FAM163B: variants seen among roughly 807,000 people sequenced by gnomAD.
The protein encoded by FAM163B is family with sequence similarity 163 member B.
FAM163B carries 4 observed loss-of-function variants against 7.6 expected under a neutral mutation model. The ratio of observed to expected loss-of-function variants is 0.52; its 90% CI spans 0.26 to 1.20. FAM163B has a LOEUF of 1.20. Among genes scored for constraint, FAM163B ranks in the 50% most tolerant of loss-of-function variants. The pLI is 0.14. For missense variants in FAM163B, 250 were observed against 243.0 expected (o/e 1.03, Z -0.19); for synonymous variants, 120 against 111.6 (o/e 1.07, Z -0.47).
At chr9:133,602,163 C>T (rs886333908) in intron 1 of FAM163B, among the ~76,000 whole-genome samples, 1 of 151,912 alleles carries the variant, frequency 6.6e-6, no homozygotes, top group Non-Finnish European at 1.5e-5. Flanking sequence ...GCCCAAGACC[C>T]GCCATATAAC....
At chr9:133,598,410 GA>G (rs1008031710) in intron 1 of FAM163B, among the ~76,000 whole-genome samples, 110 of 138,982 alleles carry the variant, frequency 7.9e-4, no homozygotes, top group African/African-American at 1.9e-3. Flanking sequence ...AAGTGCATTT[GA>G]AAAAAAAAAA....
chr9:133,586,950 G>A (rs1306878719), intron 1 of FAM163B, among the ~76,000 whole-genome samples: 1 of 152,212 alleles, frequency 6.6e-6, no homozygotes, highest in Non-Finnish European at 1.5e-5. Context: ...TGAGGTAAGA[G>A]TGGTTCGGCC....
chr9:133,597,707 A>T (rs944493322), intron 1 of FAM163B, among the ~76,000 whole-genome samples: 1 of 152,192 alleles, frequency 6.6e-6, no homozygotes. Context: ...GCTTAAAACC[A>T]GCAACGAAGG....
At position 133,606,543 on chromosome 9, in the gene FAM163B, C is replaced by T. The variant is rs1831791939; in HGVS notation, c.-24+2534G>A. 6.6e-6 allele frequency among the ~76,000 whole-genome samples: 1 copy of T among 152,204 alleles called. No homozygotes were observed. Among genetic ancestry groups the T allele is most frequent in the Non-Finnish European group, 1.5e-5 (1 of 68,040 alleles). ...GCCAGGCTCACGGTTGCCCCGGTGTCCCATGTGCCAGCAGGGAAGGCAGGA... is the reference window on the plus strand; with the variant it reads ...GCCAGGCTCACGGTTGCCCCGGTGTTCCATGTGCCAGCAGGGAAGGCAGGA... On this transcript the variant is annotated intron_variant, in intron 1 of 2. Transcript: ENST00000673969. The surrounding 1 kb of genome is among the most constrained non-coding windows in gnomAD (Gnocchi z 4.0).
intron 1 of FAM163B, among the ~76,000 whole-genome samples, chr9:133,590,681 C>T (rs773782646): frequency 1.3e-5 from 2 of 152,172 alleles, no homozygotes; most frequent in African/African-American, 2.4e-5. Context: ...AGTGGGGACA[C>T]GCCTGGAGTC....
intron 1 of FAM163B, among the ~76,000 whole-genome samples, chr9:133,604,975 G>A (rs1831772390): frequency 6.6e-6 from 1 of 152,258 alleles, no homozygotes; most frequent in Non-Finnish European, 1.5e-5. Context: ...CTCCTCGTGA[G>A]GAACGGAGAT....
intron 1 of FAM163B, among the ~76,000 whole-genome samples, chr9:133,607,291 G>A (rs1831802103): frequency 6.6e-6 from 1 of 152,214 alleles, no homozygotes; most frequent in Admixed American, 6.5e-5. Flanking sequence ...CAGAACTCGA[G>A]TCCCGACTTC....
Position 133,578,847 on chromosome 9 carries a change from C to A in FAM163B, c.*175G>T. The A allele has an allele frequency of 8.0e-7, 1 of 1,257,718 alleles. No homozygotes were observed. Among genetic ancestry groups the A allele is most frequent in the Non-Finnish European group, 1.1e-6 (1 of 943,276 alleles). The allele number at this position is 1,257,718 out of a possible 1,614,324, so 77.9% of individuals were successfully genotyped here. On this transcript the variant is annotated 3_prime_UTR_variant, in exon 3 of 3. Transcript: ENST00000673969. ...CCAGGACACATTTGTGTTCAATGAGCCTTATCCCTGCCACGAGCCTGGGGG... is the reference window on the plus strand; with the variant it reads ...CCAGGACACATTTGTGTTCAATGAGACTTATCCCTGCCACGAGCCTGGGGG...
chr9:133,579,811 A>G (rs981926393), intron 2 of FAM163B, among the ~76,000 whole-genome samples: 9 of 152,162 alleles, frequency 5.9e-5, no homozygotes, highest in Non-Finnish European at 1.0e-4. Flanking sequence ...TCAGGGAGAC[A>G]TGGAGACTCT....
intron 1 of FAM163B, among the ~76,000 whole-genome samples, chr9:133,587,898 G>T (rs1364299861): frequency 6.6e-6 from 1 of 151,826 alleles, no homozygotes; most frequent in African/African-American, 2.4e-5. Context: ...GATCTCCCTG[G>T]GAGCCCCTGG....
intron 1 of FAM163B, among the ~76,000 whole-genome samples, chr9:133,598,513 G>A (rs768769522): frequency 6.6e-6 from 1 of 152,028 alleles, no homozygotes; most frequent in Non-Finnish European, 1.5e-5. Context: ...GCGTGTGCTG[G>A]GGTGAGGAGG....
At chr9:133,588,796 G>A (rs1484344734) in intron 1 of FAM163B, among the ~76,000 whole-genome samples, 2 of 148,650 alleles carry the variant, frequency 1.3e-5, no homozygotes, top group East Asian at 2.0e-4. Context: ...CACATCTGCT[G>A]CAGAGTGAGA....
chr9:133,607,533 C>G (rs1831804963), intron 1 of FAM163B, among the ~76,000 whole-genome samples: 1 of 152,206 alleles, frequency 6.6e-6, no homozygotes, highest in South Asian at 2.1e-4. Flanking sequence ...GGAGCTCCCA[C>G]TCCCTCCCCA....
Position 133,578,729 on chromosome 9 carries a change from C to A in FAM163B, c.*293G>T. 1.1e-5 allele frequency: 5 copies of A among 436,356 alleles called. No homozygotes were observed. Among genetic ancestry groups the A allele is most frequent in the East Asian group, 7.2e-5 (2 of 27,748 alleles). The allele number at this position is 436,356 out of a possible 1,614,324, so 27.0% of individuals were successfully genotyped here. A position where few individuals can be genotyped will look rare whatever the true frequency, so the allele number is the denominator to read the frequency against. ...TCTGAGACAGAATCATCAGGAGTAA[C>A]GGTGGCCTCTGTGCCTGAGAGCCCT... On this transcript the variant is annotated 3_prime_UTR_variant, in exon 3 of 3. Coordinates refer to ENST00000673969, the MANE Select transcript of FAM163B (RefSeq NM_001080515.3).
chr9:133,605,422 C>A (rs1310331033), intron 1 of FAM163B, among the ~76,000 whole-genome samples: 1 of 152,194 alleles, frequency 6.6e-6, no homozygotes, highest in South Asian at 2.1e-4. Flanking sequence ...GCCCTGGGAG[C>A]CTGGTTTGTT....
At chr9:133,588,350 G>A (rs1462683187) in intron 1 of FAM163B, among the ~76,000 whole-genome samples, 2 of 152,098 alleles carry the variant, frequency 1.3e-5, no homozygotes, top group Non-Finnish European at 2.9e-5. Flanking sequence ...AGGCTACCAC[G>A]CTACTTAAGG....
intron 1 of FAM163B, among the ~76,000 whole-genome samples, chr9:133,590,129 C>T (rs1588327572): frequency 1.1e-4 from 6 of 56,962 alleles, no homozygotes; most frequent in Non-Finnish European, 2.2e-4. Flanking sequence ...TTCCCCTCCC[C>T]TTCCCCTCCC....
rs1831720673 is a variant in FAM163B at position 133,600,899 on chromosome 9, A to G, written c.-24+8178T>C. The stretch of plus-strand genomic sequence containing the variant: ...CAATTCATCCAAGGCCATTAACTCA[A>G]CTCTCCCTTGGTAGGGGGTAGGGGG... On this transcript the variant is annotated intron_variant, in intron 1 of 2. Transcript: ENST00000673969. This position sits in a 1 kb window ranked among gnomAD's most constrained non-coding sequence, Gnocchi z 4.9. 6.6e-6 allele frequency among the ~76,000 whole-genome samples: 1 copy of G among 151,468 alleles called. No individual in the cohort carries two copies. The highest frequency in any genetic ancestry group is 2.4e-5 in the African/African-American group (1 of 41,182).
intron 1 of FAM163B, among the ~76,000 whole-genome samples, chr9:133,603,600 A>G (rs1564198363): frequency 6.6e-6 from 1 of 152,228 alleles, no homozygotes; most frequent in Non-Finnish European, 1.5e-5. Context: ...CTCATTAGCC[A>G]AAGTTGACAG....
Sources: allele counts gnomAD v4.1 joint callset (sites outside exome capture counted in the v4.1 genomes callset), GRCh38; gene constraint gnomAD v4.1.1; non-coding constraint Gnocchi (gnomAD v3.1); transcripts MANE v1.5; gene names NCBI Gene and HGNC (gene_info 2026-07-23, HGNC 2026-07-21).